The following DPYSL5 variants were observed in gnomAD, a reference collection of about 807,000 sequenced individuals.
The protein encoded by DPYSL5 is dihydropyrimidinase like 5.
DPYSL5 carries 9 observed loss-of-function variants against 58.4 expected under a neutral mutation model. The ratio of observed to expected loss-of-function variants is 0.15; its 90% confidence interval spans 0.09 to 0.27. The LOEUF (loss-of-function observed/expected upper bound fraction) is 0.27, where lower values mean the gene tolerates loss of function less well. Among genes scored for constraint, DPYSL5 ranks in the 10% least tolerant of loss-of-function variants. DPYSL5 has a pLI of 1.00. For synonymous variants in DPYSL5, 293 were observed against 301.9 expected (o/e 0.97, Z 0.31); for missense variants, 499 against 770.6 (o/e 0.65, Z 4.17).
At position 26,934,263 on chromosome 2, in the gene DPYSL5, G is replaced by A. The variant is rs1465544597; in HGVS notation, c.791-315G>A. Among the ~76,000 whole-genome samples the A allele has an allele frequency of 1.3e-5, 2 of 152,152 alleles. No homozygotes were observed. Among genetic ancestry groups the A allele is most frequent in the Non-Finnish European group, 2.9e-5 (2 of 68,024 alleles). On this transcript the variant is annotated intron_variant, in intron 7 of 12. Coordinates refer to ENST00000288699, the MANE Select transcript of DPYSL5 (RefSeq NM_020134.4). This position sits in a 1 kb window ranked among gnomAD's most constrained non-coding sequence, Gnocchi z 4.3. ...GGCCCTGCATGCCTGTTCACCCACCGTCAAGCTCCATCTGCCAACAGCACC... is the reference window on the plus strand; with the variant it reads ...GGCCCTGCATGCCTGTTCACCCACCATCAAGCTCCATCTGCCAACAGCACC...
Position 26,944,062 on chromosome 2 carries a change from C to A in DPYSL5, c.1441-594C>A, listed in dbSNP as rs1665397308. Reference sequence around the variant, plus strand: ...ATCCCGGAACTTTGGGAGGCCGAGGCGGGTGGATCACGAGGTCAGGAGTTC... The same window carrying A: ...ATCCCGGAACTTTGGGAGGCCGAGGAGGGTGGATCACGAGGTCAGGAGTTC... On this transcript the variant is annotated intron_variant, in intron 11 of 12. Transcript: ENST00000288699. This position sits in a 1 kb window ranked among gnomAD's most constrained non-coding sequence, Gnocchi z 4.4. Among the ~76,000 whole-genome samples the A allele has an allele frequency of 6.6e-6, 1 of 152,066 alleles. No individual in the cohort carries two copies.
intron 12 of DPYSL5, 144 bp from the exon 13 acceptor site, chr2:26,946,766 C>G (rs1015743173): frequency 5.3e-6 from 3 of 568,566 alleles, no homozygotes; most frequent in Non-Finnish European, 9.5e-6. Flanking sequence ...CCCTGAGCCT[C>G]TGTCTCCTCA....
At chr2:26,871,083 A>C (rs1222478048) in intron 1 of DPYSL5, among the ~76,000 whole-genome samples, 2 of 152,222 alleles carry the variant, frequency 1.3e-5, no homozygotes, top group African/African-American at 4.8e-5. Flanking sequence ...GACCATGTTC[A>C]GTGGAGTTCT....
intron 2 of DPYSL5, among the ~76,000 whole-genome samples, chr2:26,902,039 C>A (rs572751355): frequency 6.6e-6 from 1 of 152,122 alleles, no homozygotes; most frequent in African/African-American, 2.4e-5. Context: ...AGCACCCCCA[C>A]AACACCCCAC....
intron 1 of DPYSL5, among the ~76,000 whole-genome samples, chr2:26,889,353 G>A (rs930041835): frequency 6.6e-6 from 1 of 151,542 alleles, no homozygotes; most frequent in Non-Finnish European, 1.5e-5. Flanking sequence ...CACTGCAAGC[G>A]CTGCCTCCCG....
intron 1 of DPYSL5, among the ~76,000 whole-genome samples, chr2:26,855,184 C>T (rs764375317): frequency 2.7e-5 from 4 of 150,766 alleles, no homozygotes; most frequent in African/African-American, 4.9e-5. Context: ...AATCCCAGCA[C>T]TTTGGGAGCC....
At chr2:26,857,334 C>T (rs1558319252) in intron 1 of DPYSL5, among the ~76,000 whole-genome samples, 1 of 152,030 alleles carries the variant, frequency 6.6e-6, no homozygotes, top group African/African-American at 2.4e-5. Flanking sequence ...GTCAGGAGTT[C>T]GAGACCAGCC....
intron 2 of DPYSL5, among the ~76,000 whole-genome samples, chr2:26,920,766 A>G (rs76997307): frequency 6.6e-6 from 1 of 152,226 alleles, no homozygotes; most frequent in African/African-American, 2.4e-5. Flanking sequence ...CTGTGTCTCA[A>G]ACAAACAAAC....
At chr2:26,885,143 G>A (rs1318127143) in intron 1 of DPYSL5, among the ~76,000 whole-genome samples, 2 of 152,130 alleles carry the variant, frequency 1.3e-5, no homozygotes, top group East Asian at 3.8e-4. Flanking sequence ...AGGTTGCAGT[G>A]AGCTCGGATC....
At chr2:26,872,332 G>A (rs1035402800) in intron 1 of DPYSL5, among the ~76,000 whole-genome samples, 1 of 152,220 alleles carries the variant, frequency 6.6e-6, no homozygotes, top group Non-Finnish European at 1.5e-5. Flanking sequence ...TAGAGCACCA[G>A]ATGTAAATTT....
chr2:26,879,078 G>T (rs913901218), intron 1 of DPYSL5, among the ~76,000 whole-genome samples: 2 of 152,128 alleles, frequency 1.3e-5, no homozygotes, highest in African/African-American at 4.8e-5. Flanking sequence ...TGAGTATCTG[G>T]CACCCAGTAC....
chr2:26,889,053 C>A (rs1663802447), intron 1 of DPYSL5, among the ~76,000 whole-genome samples: 1 of 152,078 alleles, frequency 6.6e-6, no homozygotes, highest in African/African-American at 2.4e-5. Flanking sequence ...TGAGGGTTCA[C>A]AAAGGCCTCC....
chr2:26,861,948 T>A (rs1666028489), intron 1 of DPYSL5, among the ~76,000 whole-genome samples: 1 of 152,208 alleles, frequency 6.6e-6, no homozygotes, highest in Admixed American at 6.5e-5. Flanking sequence ...AAGTGGCTAT[T>A]TTGGGAAAGC....
rs113982137 is a variant in DPYSL5 at position 26,941,913 on chromosome 2, G to A, written c.1090-37G>A. The A allele has an allele frequency of 4.3e-6, 7 of 1,613,442 alleles. No individual in the cohort carries two copies. The East Asian group carries it at 1.1e-4, about 26-fold the overall frequency. On this transcript the variant is annotated intron_variant, in intron 9 of 12. Transcript: ENST00000288699. ...ACCAAGGGTTTGAGACCCACCCCCA[G>A]AGCCTGGTTGACTTGACACTTTCTG...
chr2:26,915,576 C>A (rs992023102), intron 2 of DPYSL5, among the ~76,000 whole-genome samples: 1 of 152,216 alleles, frequency 6.6e-6, no homozygotes, highest in East Asian at 1.9e-4. Context: ...CTTTCTGTGC[C>A]CCAGCTCCTG....
At chr2:26,902,097 C>A (rs1000467939) in intron 2 of DPYSL5, among the ~76,000 whole-genome samples, 2 of 152,048 alleles carry the variant, frequency 1.3e-5, no homozygotes, top group Non-Finnish European at 2.9e-5. Flanking sequence ...GGTTTCCAGA[C>A]GGTGCCAGGA....
At chr2:26,932,116 AAAG>A (rs1284123586) in intron 6 of DPYSL5, among the ~76,000 whole-genome samples, 3 of 144,542 alleles carry the variant, frequency 2.1e-5, no homozygotes, top group Non-Finnish European at 4.5e-5. Flanking sequence ...AGAAAAGAAA[AAAG>A]AAAGAGAAAG....
chr2:26,938,195 T>G (rs951507793), intron 8 of DPYSL5, among the ~76,000 whole-genome samples: 2 of 152,228 alleles, frequency 1.3e-5, no homozygotes, highest in African/African-American at 4.8e-5. Flanking sequence ...CATTCACAGC[T>G]GCTTAGTGGG....
In DPYSL5 at chr2:26,917,707, T is replaced by G. The variant is rs1664602634; in HGVS notation, c.262-7180T>G. 3.3e-5 allele frequency among the ~76,000 whole-genome samples: 5 copies of G among 152,200 alleles called. No individual in the cohort carries two copies. In the South Asian group the frequency reaches 1.0e-3, roughly 32 times the overall value. ...CAGTGTAAGGCCTGATCCCCCTACA[T>G]CAGGCCAGCGCAGGTGATAAGCTGA... On this transcript the variant is annotated intron_variant, in intron 2 of 12. Transcript: ENST00000288699.
Sources: allele counts gnomAD v4.1 joint callset (sites outside exome capture counted in the v4.1 genomes callset), GRCh38; gene constraint gnomAD v4.1.1; non-coding constraint Gnocchi (gnomAD v3.1); transcripts MANE v1.5; gene names NCBI Gene and HGNC (gene_info 2026-07-23, HGNC 2026-07-21).